The following MACROD2 variants were observed in gnomAD, a reference collection of about 807,000 sequenced individuals.
MACROD2 encodes the protein mono-ADP ribosylhydrolase 2, also known as ADP-ribose glycohydrolase MACROD2.
Under a neutral mutation model 70.4 loss-of-function variants are expected in MACROD2, and 36 were observed. The observed-to-expected ratio is 0.51, with a 90% CI of 0.39 to 0.68. The LOEUF (loss-of-function observed/expected upper bound fraction) is 0.68. Ranked by LOEUF, MACROD2 falls within the 30% of genes least tolerant of loss-of-function variation. MACROD2 has a pLI of 0.00. For synonymous variants in MACROD2, 172 were observed against 178.8 expected (o/e 0.96, Z 0.30); for missense variants, 496 against 538.4 (o/e 0.92, Z 0.78).
chr20:16,031,931 G>C (rs1356716565), intron 15 of MACROD2, among the ~76,000 whole-genome samples: 1 of 151,990 alleles, frequency 6.6e-6, no homozygotes, highest in Admixed American at 6.6e-5. Flanking sequence ...AAAGAGATGG[G>C]AATTGTGTGC....
chr20:15,931,022 T>C (rs949614030), intron 10 of MACROD2, among the ~76,000 whole-genome samples: 10 of 152,194 alleles, frequency 6.6e-5, no homozygotes, highest in African/African-American at 2.4e-4. Context: ...GCAAACTTCA[T>C]GGCTATTGTG....
rs548695354 is a variant in MACROD2, at chr20:15,064,449, T to C, written c.419-165491T>C. On this transcript the variant is annotated intron_variant, in intron 5 of 17. Transcript: ENST00000684519. ...TAAGCCCACCAAGGTATGTTTTAAC[T>C]CTGCTGTCTTTGCCTTTCTAATATT... is the stretch of plus-strand genomic sequence containing the variant. Among the ~76,000 whole-genome samples the C allele has an allele frequency of 2.6e-5, 4 of 152,340 alleles. No individual in the cohort carries two copies. The East Asian group carries it at 5.8e-4, about 22-fold the overall frequency.
intron 15 of MACROD2, among the ~76,000 whole-genome samples, chr20:16,024,411 C>A (rs556693560): frequency 1.8e-3 from 275 of 152,130 alleles, no homozygotes; most frequent in Non-Finnish European, 2.4e-3. Flanking sequence ...ACAGTAGTAA[C>A]AAATAGCTAT....
chr20:15,807,717 T>G (rs1463213154), intron 8 of MACROD2, among the ~76,000 whole-genome samples: 1 of 152,236 alleles, frequency 6.6e-6, no homozygotes, highest in Non-Finnish European at 1.5e-5. Flanking sequence ...AAATTTCTTT[T>G]TATTTCTTAA....
At chr20:15,733,800 A>T (rs1600819787) in intron 8 of MACROD2, among the ~76,000 whole-genome samples, 1 of 152,144 alleles carries the variant, frequency 6.6e-6, no homozygotes, top group African/African-American at 2.4e-5. Context: ...TATTTTTATT[A>T]TCTGTATTTT....
At position 14,283,326 on chromosome 20, in the gene MACROD2, A is replaced by G. The variant is rs116363855; in HGVS notation, c.271+197598A>G. Among the ~76,000 whole-genome samples the G allele has an allele frequency of 8.2e-3, 1,252 of 152,230 alleles. 18 individuals carry two copies. The highest frequency in any genetic ancestry group is 0.028 in the African/African-American group (1,179 of 41,530). Reference sequence around the variant, plus strand: ...TTTGATTACCTGCCCTTCCTTTTACATTTGTGACATTATTGTTCAGTTTTT... The same window carrying G: ...TTTGATTACCTGCCCTTCCTTTTACGTTTGTGACATTATTGTTCAGTTTTT... On this transcript the variant is annotated intron_variant, in intron 3 of 17. Transcript: ENST00000684519.
intron 12 of MACROD2, among the ~76,000 whole-genome samples, chr20:15,964,334 C>A (rs1179580165): frequency 6.6e-6 from 1 of 152,106 alleles, no homozygotes; most frequent in African/African-American, 2.4e-5. Flanking sequence ...GATCAAGGCA[C>A]CAGCAGATTC....
At chr20:15,836,793 G>A (rs1280711195) in intron 8 of MACROD2, among the ~76,000 whole-genome samples, 1 of 152,164 alleles carries the variant, frequency 6.6e-6, no homozygotes, top group Non-Finnish European at 1.5e-5. Flanking sequence ...ATACCAAATT[G>A]TGGTAAACCT....
At chr20:14,174,715 G>A (rs936804122) in intron 3 of MACROD2, among the ~76,000 whole-genome samples, 1 of 152,194 alleles carries the variant, frequency 6.6e-6, no homozygotes, top group Non-Finnish European at 1.5e-5. Context: ...GTGTGCAGTT[G>A]AAATTGTTAC....
In MACROD2 at chr20:15,309,275, G is replaced by C. The variant is rs1176499250; in HGVS notation, c.540+79214G>C. On this transcript the variant is annotated intron_variant, in intron 6 of 17. Transcript: ENST00000684519. Reference sequence around the variant, plus strand: ...TTCTAGAATTTGCTTCATTGATTTTGTCAAGTTATACATCTCCAAGGAAAA... The same window carrying C: ...TTCTAGAATTTGCTTCATTGATTTTCTCAAGTTATACATCTCCAAGGAAAA... Among the ~76,000 whole-genome samples the C allele has an allele frequency of 9.2e-5, 14 of 152,288 alleles. No homozygotes were observed. In the East Asian group the frequency reaches 2.7e-3, roughly 29 times the overall value.
chr20:15,960,159 C>T (rs184382174), intron 12 of MACROD2, among the ~76,000 whole-genome samples: 1 of 152,174 alleles, frequency 6.6e-6, no homozygotes, highest in Non-Finnish European at 1.5e-5. Flanking sequence ...TTAATTCTCT[C>T]CTGGTATGTG....
rs557087861 is a variant in MACROD2, at chr20:14,834,989, G to A, written c.418+150030G>A. Among the ~76,000 whole-genome samples the A allele has an allele frequency of 1.6e-4, 25 of 152,020 alleles. 1 individual carries two copies. In the South Asian group the frequency reaches 3.5e-3, roughly 22 times the overall value. On this transcript the variant is annotated intron_variant, in intron 5 of 17. Transcript: ENST00000684519. ...TATACATACATATGTATATATGTTT[G>A]AGTGAGTGAATGATTGAGAAACAGA...
intron 4 of MACROD2, among the ~76,000 whole-genome samples, chr20:14,658,989 G>C (rs1262550784): frequency 6.6e-6 from 1 of 152,140 alleles, no homozygotes; most frequent in Non-Finnish European, 1.5e-5. Flanking sequence ...TGCAGGGCTT[G>C]CCAAACTCTA....
At chr20:14,944,444 C>G (rs1207161870) in intron 5 of MACROD2, among the ~76,000 whole-genome samples, 3 of 152,236 alleles carry the variant, frequency 2.0e-5, no homozygotes, top group Admixed American at 2.0e-4. Context: ...GTATACTGTG[C>G]CTTGAAAGTG....
chr20:15,390,843 T>G (rs1044571413), intron 6 of MACROD2, among the ~76,000 whole-genome samples: 5 of 152,258 alleles, frequency 3.3e-5, no homozygotes, highest in African/African-American at 1.2e-4. Context: ...TCAGTTTTTT[T>G]GCAAAGCAGA....
intron 10 of MACROD2, among the ~76,000 whole-genome samples, chr20:15,892,571 T>C (rs868506118): frequency 4.9e-4 from 74 of 152,342 alleles, no homozygotes; most frequent in Middle Eastern, 3.4e-3. Flanking sequence ...ATGACAATTG[T>C]CAATTAATCT....
At position 15,144,601 on chromosome 20, in the gene MACROD2, G is replaced by C. The variant is rs140114570; in HGVS notation, c.419-85339G>C. Among the ~76,000 whole-genome samples the C allele has an allele frequency of 2.6e-3, 397 of 152,178 alleles. 3 individuals are homozygous for C. Among genetic ancestry groups the C allele is most frequent in the African/African-American group, 8.8e-3 (367 of 41,512 alleles). On this transcript the variant is annotated intron_variant, in intron 5 of 17. Coordinates refer to ENST00000684519, the MANE Select transcript of MACROD2 (RefSeq NM_001351661.2). ...TTAATGTATTTTGTTGCAAAAGGTG[G>C]GGAAATCACCAAAGTCATAAGAGCA...
At chr20:15,890,763 T>C (rs1430525594) in intron 10 of MACROD2, among the ~76,000 whole-genome samples, 3 of 152,158 alleles carry the variant, frequency 2.0e-5, no homozygotes, top group Non-Finnish European at 2.9e-5. Flanking sequence ...TGTTCCTTTT[T>C]TAATAAATGG....
At chr20:14,522,902 A>C (rs1043901876) in intron 4 of MACROD2, among the ~76,000 whole-genome samples, 3 of 152,178 alleles carry the variant, frequency 2.0e-5, no homozygotes, top group Non-Finnish European at 4.4e-5. Flanking sequence ...CTCCTAGAGC[A>C]GTGTTTAGTA....
Sources: allele counts gnomAD v4.1 joint callset (sites outside exome capture counted in the v4.1 genomes callset), GRCh38; gene constraint gnomAD v4.1.1; transcripts MANE v1.5; gene names NCBI Gene and HGNC (gene_info 2026-07-23, HGNC 2026-07-21).